Variants in ATXN1 observed in about 807,000 individuals in gnomAD.
ATXN1 encodes ataxin-1.
ATXN1 carries 8 observed loss-of-function variants against 56.4 expected under a neutral mutation model. The ratio of observed to expected loss-of-function variants is 0.14; its 90% confidence interval spans 0.08 to 0.26. The LOEUF is 0.26. ATXN1 is among the 10% of genes least tolerant of loss of function. The pLI is 1.00. For synonymous variants in ATXN1, 514 were observed against 494.6 expected (o/e 1.04, Z -0.52); for missense variants, 987 against 1,106.5 (o/e 0.89, Z 1.53).
chr6:16,567,527 A>G (rs1448111404), intron 4 of ATXN1, among the ~76,000 whole-genome samples: 1 of 152,208 alleles, frequency 6.6e-6, no homozygotes, highest in African/African-American at 2.4e-5. Context: ...ATATGGAAGC[A>G]CATCACCCTG....
At chr6:16,343,087 G>A (rs1357616484) in intron 6 of ATXN1, among the ~76,000 whole-genome samples, 1 of 152,228 alleles carries the variant, frequency 6.6e-6, no homozygotes, top group Non-Finnish European at 1.5e-5. Flanking sequence ...GCTCACGCCT[G>A]TAATCCCAGC....
intron 2 of ATXN1, among the ~76,000 whole-genome samples, chr6:16,712,223 T>C (rs1330168924): frequency 2.6e-5 from 4 of 152,070 alleles, no homozygotes; most frequent in Non-Finnish European, 5.9e-5. Context: ...AAATAGAAAC[T>C]AATTTATTAG....
chr6:16,483,187 G>T (rs781187420), intron 6 of ATXN1, among the ~76,000 whole-genome samples: 8 of 151,756 alleles, frequency 5.3e-5, no homozygotes, highest in Non-Finnish European at 1.2e-4. Flanking sequence ...AAGGCCATCT[G>T]CTGGCAAGTG....
rs1760264329 is a variant in ATXN1, at chr6:16,306,843, A to G, written c.1934T>C (p.Leu645Ser). 6.2e-7 allele frequency: 1 copy of G among 1,609,348 alleles called. No homozygotes were observed. The change falls in exon 8 of 8, where the codon TTG becomes TCG. Residue 645 changes from leucine to serine, a missense_variant. Coordinates refer to ENST00000436367, the MANE Select transcript of ATXN1 (RefSeq NM_001128164.2). The surrounding 1 kb of genome is among the most constrained non-coding windows in gnomAD (Gnocchi z 5.2). Reference protein sequence around the residue: ...EHRAQVSVEVLVEYPFFVFGQ... With the variant: ...EHRAQVSVEVSVEYPFFVFGQ... ...AAACACAAAAAAAGGATACTCTACC[A>G]AAACTTCAACGCTGACCTGTGGAAA... is the stretch of plus-strand genomic sequence containing the variant.
At chr6:16,569,893 C>A (rs1185878610) in intron 4 of ATXN1, among the ~76,000 whole-genome samples, 2 of 152,156 alleles carry the variant, frequency 1.3e-5, no homozygotes, top group Non-Finnish European at 2.9e-5. Context: ...CTCTCTTCTG[C>A]CAGGTGCAGA....
At chr6:16,730,892 G>A (rs751314870) in intron 2 of ATXN1, among the ~76,000 whole-genome samples, 7 of 152,110 alleles carry the variant, frequency 4.6e-5, no homozygotes, top group South Asian at 2.1e-4. Context: ...TCTGGGTGCC[G>A]GGCCATGCTG....
chr6:16,328,442 G>C lies in ATXN1; in HGVS notation c.-132C>G, dbSNP rs373726370. 2.3e-6 allele frequency: 3 copies of C among 1,325,798 alleles called. No individual in the cohort carries two copies. The highest frequency in any genetic ancestry group is 2.9e-6 in the Non-Finnish European group (3 of 1,038,624). The allele number at this position is 1,325,798 out of a possible 1,614,324, so 82.1% of individuals were successfully genotyped here. ...TTCATGAGGAATCATCTCCCCGTGG[G>C]TACAATCCGCCAACAGCAGCTCTGG... On this transcript the variant is annotated 5_prime_UTR_variant, in exon 7 of 8. Transcript: ENST00000436367. This position sits in a 1 kb window ranked among gnomAD's most constrained non-coding sequence, Gnocchi z 6.2.
At chr6:16,364,429 G>A (rs1315008472) in intron 6 of ATXN1, among the ~76,000 whole-genome samples, 4 of 151,700 alleles carry the variant, frequency 2.6e-5, no homozygotes, top group Non-Finnish European at 4.4e-5. Flanking sequence ...TCAGCCTCCC[G>A]AGTATCTGGG....
At position 16,327,456 on chromosome 6, in the gene ATXN1, G is replaced by C. The variant is rs141047554; in HGVS notation, c.855C>G (p.Pro285=). 1.2e-6 allele frequency: 2 copies of C among 1,613,470 alleles called. No individual in the cohort carries two copies. The highest frequency in any genetic ancestry group is 1.7e-6 in the Non-Finnish European group (2 of 1,179,946). ...CGTATTGCATGACGACCTGGGAGGG[G>C]GGCCCCAGGGTGAGCGTGTGTGGGA... ...TMIPHTLTLG[P]PSQVVMQYAD... is the part of the protein sequence containing the mutation. The change falls in exon 7 of 8, where the codon CCC becomes CCG. Residue 285 remains proline (P), a synonymous_variant. Transcript: ENST00000436367.
chr6:16,341,003 T>A (rs1761232258), intron 6 of ATXN1, among the ~76,000 whole-genome samples: 1 of 152,190 alleles, frequency 6.6e-6, no homozygotes, highest in Non-Finnish European at 1.5e-5. Context: ...TTCAAAGTGT[T>A]GGAGCAATGG....
chr6:16,717,355 T>A (rs936340341), intron 2 of ATXN1, among the ~76,000 whole-genome samples: 1 of 152,198 alleles, frequency 6.6e-6, no homozygotes, highest in African/African-American at 2.4e-5. Flanking sequence ...ACCCTTCTCC[T>A]GAGATGAACA....
At chr6:16,363,043 C>G (rs1266993135) in intron 6 of ATXN1, among the ~76,000 whole-genome samples, 1 of 152,166 alleles carries the variant, frequency 6.6e-6, no homozygotes, top group Non-Finnish European at 1.5e-5. Context: ...ATAACGGAAT[C>G]TTCCCCATTG....
intron 6 of ATXN1, among the ~76,000 whole-genome samples, chr6:16,361,624 CAACTTAA>C: frequency 6.6e-6 from 1 of 152,156 alleles, no homozygotes; most frequent in Non-Finnish European, 1.5e-5. Context: ...AAATGACTCT[CAACTTAA>C]CTTGCAGATC....
intron 6 of ATXN1, among the ~76,000 whole-genome samples, chr6:16,360,674 C>T (rs1005094665): frequency 3.9e-5 from 6 of 152,150 alleles, no homozygotes; most frequent in African/African-American, 1.4e-4. Context: ...AGTCCTTTAG[C>T]CAATCTTAGT....
chr6:16,370,412 A>G (rs1762014758), intron 6 of ATXN1, among the ~76,000 whole-genome samples: 1 of 152,268 alleles, frequency 6.6e-6, no homozygotes, highest in Non-Finnish European at 1.5e-5. Context: ...CGTGAAAGAA[A>G]CTGGCAAACA....
intron 2 of ATXN1, among the ~76,000 whole-genome samples, chr6:16,733,865 T>C (rs1760050299): frequency 6.6e-6 from 1 of 150,782 alleles, no homozygotes; most frequent in African/African-American, 2.4e-5. Flanking sequence ...AAAGAACCAC[T>C]GGCTGGGTGG....
intron 5 of ATXN1, among the ~76,000 whole-genome samples, chr6:16,502,916 A>G (rs986334109): frequency 1.1e-4 from 16 of 152,232 alleles, no homozygotes; most frequent in African/African-American, 3.6e-4. Flanking sequence ...AATGCTTAGT[A>G]TGTGCAAAGT....
chr6:16,416,163 C>T (rs187133068), intron 6 of ATXN1, among the ~76,000 whole-genome samples: 15 of 149,918 alleles, frequency 1.0e-4, no homozygotes, highest in Non-Finnish European at 1.9e-4. Flanking sequence ...AACAAATGGT[C>T]ATTATCTAGT....
At chr6:16,385,707 T>G (rs777294029) in intron 6 of ATXN1, among the ~76,000 whole-genome samples, 1 of 152,200 alleles carries the variant, frequency 6.6e-6, no homozygotes, top group African/African-American at 2.4e-5. Flanking sequence ...TACATACCAG[T>G]TGATTCAACA....
Sources: gnomAD v4.1 joint callset for allele counts (sites outside exome capture counted in the v4.1 genomes callset) on GRCh38, gnomAD v4.1.1 for gene constraint, Gnocchi (gnomAD v3.1) non-coding constraint, MANE v1.5 for transcripts, NCBI Gene and HGNC (gene_info 2026-07-23, HGNC 2026-07-21) for gene names.